Variants in PBX3 observed in about 807,000 individuals in gnomAD.
PBX3 encodes the protein PBX homeobox 3, also known as pre-B-cell leukemia transcription factor 3.
PBX3 carries 14 observed loss-of-function variants against 48.5 expected under a neutral mutation model. The observed-to-expected ratio is 0.29, with a 90% CI of 0.19 to 0.45. The LOEUF is 0.45. Ranked by LOEUF, PBX3 falls within the 20% of genes least tolerant of loss-of-function variation. The probability of loss-of-function intolerance (pLI) is 1.00; values close to 1 mark genes in which losing one functional copy is unlikely to be tolerated. For synonymous variants in PBX3, 210 were observed against 200.3 expected (o/e 1.05, Z -0.41); for missense variants, 386 against 546.7 (o/e 0.71, Z 2.93).
intron 2 of PBX3, among the ~76,000 whole-genome samples, chr9:125,788,353 C>A (rs558840569): frequency 6.6e-6 from 1 of 152,224 alleles, no homozygotes; most frequent in Non-Finnish European, 1.5e-5. Context: ...ATAGTGTGCT[C>A]AATGTTACAG....
At chr9:125,840,630 A>T (rs7867255) in intron 2 of PBX3, among the ~76,000 whole-genome samples, 8 of 151,898 alleles carry the variant, frequency 5.3e-5, no homozygotes, top group African/African-American at 1.9e-4. Context: ...TAATTTTATA[A>T]CACTAGTATT....
At chr9:125,749,228 T>C (rs1050139516) in intron 2 of PBX3, 4 of 152,320 alleles carry the variant, frequency 2.6e-5, no homozygotes, top group African/African-American at 9.6e-5. Flanking sequence ...GTAACTGTGC[T>C]TAATATATAA....
chr9:125,782,894 C>T (rs552176171), intron 2 of PBX3, among the ~76,000 whole-genome samples: 2 of 152,050 alleles, frequency 1.3e-5, no homozygotes, highest in Non-Finnish European at 1.5e-5. Flanking sequence ...GCTTTTTCAC[C>T]TTCATAGTTT....
At chr9:125,861,531 G>A (rs1839863925) in intron 2 of PBX3, among the ~76,000 whole-genome samples, 1 of 152,100 alleles carries the variant, frequency 6.6e-6, no homozygotes, top group Admixed American at 6.6e-5. Context: ...AATCACAGAT[G>A]TTCATAGCAG....
chr9:125,892,332 A>C (rs1840667648), intron 2 of PBX3, among the ~76,000 whole-genome samples: 1 of 152,158 alleles, frequency 6.6e-6, no homozygotes, highest in Non-Finnish European at 1.5e-5. Context: ...TTTGCTTTTG[A>C]TGCTATCATC....
intron 2 of PBX3, among the ~76,000 whole-genome samples, chr9:125,817,640 AAAG>A (rs1838505930): frequency 6.6e-6 from 1 of 152,198 alleles, no homozygotes; most frequent in Admixed American, 6.5e-5. Flanking sequence ...TAATCTAACT[AAAG>A]AACTCATAGA....
chr9:125,854,965 A>G (rs10156445), intron 2 of PBX3, among the ~76,000 whole-genome samples: 107,643 of 152,062 alleles, frequency 0.71, 38,633 homozygotes, highest in African/African-American at 0.8. Flanking sequence ...GGAAAAAGTG[A>G]GTACTCTGTA....
At chr9:125,961,224 T>C (rs928243080) in intron 6 of PBX3, among the ~76,000 whole-genome samples, 4 of 152,190 alleles carry the variant, frequency 2.6e-5, no homozygotes, top group Admixed American at 6.5e-5. Context: ...CAGCAGTTGC[T>C]GTGTGTGAGG....
chr9:125,770,124 T>C (rs1416474794), intron 2 of PBX3, among the ~76,000 whole-genome samples: 2 of 152,184 alleles, frequency 1.3e-5, no homozygotes, highest in Non-Finnish European at 2.9e-5. Context: ...GTGGGGGGGA[T>C]GTACATTGCA....
intron 2 of PBX3, among the ~76,000 whole-genome samples, chr9:125,754,481 TCAGA>T (rs919304133): frequency 1.3e-5 from 2 of 152,224 alleles, no homozygotes; most frequent in African/African-American, 4.8e-5. Flanking sequence ...TTGAAGTTAA[TCAGA>T]CAAATTGCTA....
chr9:125,944,786 A>C (rs1343177069), intron 5 of PBX3, among the ~76,000 whole-genome samples: 1 of 152,182 alleles, frequency 6.6e-6, no homozygotes, highest in Non-Finnish European at 1.5e-5. Flanking sequence ...TTTTATTATA[A>C]GACTTAAGGC....
chr9:125,872,372 A>AT (rs1840145499), intron 2 of PBX3, among the ~76,000 whole-genome samples: 1 of 152,226 alleles, frequency 6.6e-6, no homozygotes, highest in African/African-American at 2.4e-5. Flanking sequence ...ACTTATTTAC[A>AT]AGAGACATCC....
At chr9:125,842,513 T>C (rs1839315546) in intron 2 of PBX3, among the ~76,000 whole-genome samples, 1 of 152,206 alleles carries the variant, frequency 6.6e-6, no homozygotes, top group African/African-American at 2.4e-5. Flanking sequence ...AAATAGCAGC[T>C]TCAGTTAAAA....
At chr9:125,896,726 G>A (rs1304930093) in intron 2 of PBX3, among the ~76,000 whole-genome samples, 1 of 151,958 alleles carries the variant, frequency 6.6e-6, no homozygotes, top group Non-Finnish European at 1.5e-5. Flanking sequence ...CCTCCTGCCT[G>A]ATTGCTGACA....
chr9:125,878,302 G>A (rs1388241595), intron 2 of PBX3, among the ~76,000 whole-genome samples: 2 of 152,290 alleles, frequency 1.3e-5, no homozygotes, highest in East Asian at 3.9e-4. Flanking sequence ...GAAAATGGCA[G>A]CAGATTGGTA....
At chr9:125,951,406 G>C (rs189427827) in intron 5 of PBX3, among the ~76,000 whole-genome samples, 1 of 152,104 alleles carries the variant, frequency 6.6e-6, no homozygotes, top group African/African-American at 2.4e-5. Flanking sequence ...TCTTGCTGCT[G>C]CCTGTTCCCT....
intron 2 of PBX3, among the ~76,000 whole-genome samples, chr9:125,756,548 T>C (rs1320665332): frequency 6.6e-6 from 1 of 152,156 alleles, no homozygotes; most frequent in Non-Finnish European, 1.5e-5. Context: ...GGGTAAGGCA[T>C]TCCTACTGGG....
intron 2 of PBX3, among the ~76,000 whole-genome samples, chr9:125,752,574 C>T (rs567867292): frequency 2.1e-4 from 32 of 149,532 alleles, no homozygotes; most frequent in Non-Finnish European, 4.1e-4. Flanking sequence ...TACTGTCATT[C>T]GACACCTCTC....
At chr9:125,816,899 C>G (rs558712005) in intron 2 of PBX3, among the ~76,000 whole-genome samples, 3 of 152,258 alleles carry the variant, frequency 2.0e-5, no homozygotes, top group South Asian at 2.1e-4. Context: ...AATGTCTCAT[C>G]ATTTAGATTA....
Sources: allele counts gnomAD v4.1 joint callset (sites outside exome capture counted in the v4.1 genomes callset), GRCh38; gene constraint gnomAD v4.1.1; transcripts MANE v1.5; gene names NCBI Gene and HGNC (gene_info 2026-07-23, HGNC 2026-07-21).